The following USP31 variants were observed in gnomAD, a reference collection of about 807,000 sequenced individuals.
USP31 encodes ubiquitin specific peptidase 31.
A neutral mutation model predicts 119.4 loss-of-function variants in USP31; 44 were observed. That is an observed-to-expected ratio of 0.37 (90% CI 0.29 to 0.47). The LOEUF (loss-of-function observed/expected upper bound fraction) is 0.47, where lower values mean the gene tolerates loss of function less well. Among genes scored for constraint, USP31 ranks in the 20% least tolerant of loss-of-function variants. The probability of loss-of-function intolerance (pLI) is 0.99; values close to 1 mark genes in which losing one functional copy is unlikely to be tolerated. For missense variants in USP31, 1,643 were observed against 1,730.2 expected (o/e 0.95, Z 0.89); for synonymous variants, 749 against 705.6 (o/e 1.06, Z -0.97).
At chr16:23,146,676 T>C (rs1442505525) in intron 1 of USP31, among the ~76,000 whole-genome samples, 4 of 152,098 alleles carry the variant, frequency 2.6e-5, no homozygotes, top group South Asian at 4.1e-4. Flanking sequence ...CAGCATAAGA[T>C]GTAAGTAAAA....
chr16:23,087,907 G>C (rs1030840623), intron 7 of USP31, 72 bp from the exon 8 acceptor site: 4 of 1,313,306 alleles, frequency 3.0e-6, no homozygotes, highest in African/African-American at 1.5e-5. Flanking sequence ...TTTTTTTCTC[G>C]ATCTCTTAAA....
At chr16:23,139,937 C>A (rs758439593) in intron 1 of USP31, among the ~76,000 whole-genome samples, 2 of 152,146 alleles carry the variant, frequency 1.3e-5, no homozygotes, top group Non-Finnish European at 2.9e-5. Context: ...TTTACCACTA[C>A]GCCTCTTGTA....
chr16:23,148,250 G>C (rs1047708924), intron 1 of USP31, among the ~76,000 whole-genome samples: 2 of 152,142 alleles, frequency 1.3e-5, no homozygotes, highest in African/African-American at 4.8e-5. Flanking sequence ...GAACAGAGAG[G>C]CTGCTTAACT....
At chr16:23,090,300 C>T (rs1228903145) in intron 7 of USP31, among the ~76,000 whole-genome samples, 2 of 152,138 alleles carry the variant, frequency 1.3e-5, no homozygotes, top group Non-Finnish European at 2.9e-5. Flanking sequence ...CCAAGAGAAT[C>T]GCTTGAACCT....
rs1166113536 is a variant in USP31 at position 23,066,362 on chromosome 16, A to G, written c.*1684T>C. ...CTAATGCGCAAATTAGCAGCAAAATAAAGTTAAGTAACGTACTAAAAACTT... is the reference window on the plus strand; with the variant it reads ...CTAATGCGCAAATTAGCAGCAAAATGAAGTTAAGTAACGTACTAAAAACTT... On this transcript the variant is annotated 3_prime_UTR_variant, in exon 16 of 16. Transcript: ENST00000219689. The G allele has an allele frequency of 6.6e-6, 1 of 152,636 alleles. No homozygotes were observed. The highest frequency in any genetic ancestry group is 1.5e-5 in the Non-Finnish European group (1 of 68,050). 9.5% of individuals were successfully genotyped at this position (152,636 alleles called of 1,614,324 possible). A position where few individuals can be genotyped will look rare whatever the true frequency, so the allele number is the denominator to read the frequency against.
intron 1 of USP31, among the ~76,000 whole-genome samples, chr16:23,126,779 T>C (rs1283915992): frequency 2.0e-5 from 3 of 152,180 alleles, no homozygotes; most frequent in African/African-American, 7.2e-5. Flanking sequence ...GTGCAGGGCA[T>C]GTGATAAGCA....
intron 15 of USP31, among the ~76,000 whole-genome samples, chr16:23,070,412 A>G (rs148160371): frequency 1.3e-5 from 2 of 152,292 alleles, no homozygotes; most frequent in African/African-American, 4.8e-5. Context: ...AAAACTTCCA[A>G]AAAAATATTC....
At chr16:23,106,554 G>T in intron 2 of USP31, 67 bp from the exon 3 acceptor site, 1 of 1,441,366 alleles carries the variant, frequency 6.9e-7, no homozygotes. Flanking sequence ...GATGAAGCTA[G>T]AGAATCACAT....
intron 1 of USP31, among the ~76,000 whole-genome samples, chr16:23,139,034 TAAATC>T (rs1231049281): frequency 6.6e-6 from 1 of 152,232 alleles, no homozygotes; most frequent in Non-Finnish European, 1.5e-5. Flanking sequence ...ATGTGCTAAA[TAAATC>T]TGTAGACTTA....
At chr16:23,132,608 T>C (rs1903063764) in intron 1 of USP31, among the ~76,000 whole-genome samples, 1 of 152,224 alleles carries the variant, frequency 6.6e-6, no homozygotes, top group African/African-American at 2.4e-5. Context: ...GTTATCTTGA[T>C]TTAAGAGATA....
chr16:23,135,526 C>T (rs973056561), intron 1 of USP31, among the ~76,000 whole-genome samples: 3 of 152,100 alleles, frequency 2.0e-5, no homozygotes, highest in Non-Finnish European at 2.9e-5. Flanking sequence ...AAATCAATTG[C>T]ACTTTTATAT....
rs374481241 is a variant in USP31, at chr16:23,094,609, A to G, written c.1235-3805T>C. Among the ~76,000 whole-genome samples, 5 of 152,202 alleles carry G rather than the reference A, an allele frequency of 3.3e-5. No individual in the cohort carries two copies. The South Asian group carries it at 1.0e-3, about 32-fold the overall frequency. ...CACCTCCCAGTAGGAACCGACAGAC[A>G]CCTCATACAGGCGGGTGCCTGTCTG... On this transcript the variant is annotated intron_variant, in intron 6 of 15. Transcript: ENST00000219689.
At position 23,066,847 on chromosome 16, in the gene USP31, CAT is replaced by C. The variant is rs2141821306; in HGVS notation, c.*1197_*1198del. On this transcript the variant is annotated 3_prime_UTR_variant, in exon 16 of 16. Coordinates refer to ENST00000219689, the MANE Select transcript of USP31 (RefSeq NM_020718.4). ...CCAAAACCTGCTTGTGAGTTCTGGG[CAT>C]GAGATGAAATCTTAAGAACAAAGAA... 1 of 152,186 alleles carries C rather than the reference CAT, an allele frequency of 6.6e-6. No homozygotes were observed. The highest frequency in any genetic ancestry group is 1.9e-4 in the East Asian group (1 of 5,184). The allele number at this position is 152,186 out of a possible 1,614,324, so 9.4% of individuals were successfully genotyped here.
chr16:23,095,223 G>A (rs985733158), intron 6 of USP31, among the ~76,000 whole-genome samples: 3 of 152,126 alleles, frequency 2.0e-5, no homozygotes, highest in Admixed American at 2.0e-4. Context: ...TAGCCAATTC[G>A]ATCAAGTGGA....
At chr16:23,134,226 A>T (rs1463016260) in intron 1 of USP31, among the ~76,000 whole-genome samples, 2 of 152,186 alleles carry the variant, frequency 1.3e-5, no homozygotes, top group Non-Finnish European at 1.5e-5. Context: ...AATAACACTA[A>T]ACAGCACCAG....
At chr16:23,099,368 G>A (rs1901752055) in intron 6 of USP31, among the ~76,000 whole-genome samples, 1 of 152,178 alleles carries the variant, frequency 6.6e-6, no homozygotes, top group Non-Finnish European at 1.5e-5. Flanking sequence ...TACACTGTTG[G>A]TGGGAGTGTA....
At chr16:23,090,492 T>C in intron 7 of USP31, 132 bp downstream of exon 7, 1 of 953,900 alleles carries the variant, frequency 1.0e-6, no homozygotes, top group Non-Finnish European at 1.5e-6. Flanking sequence ...CTTGTACATG[T>C]ATTCTTTCTA....
Position 23,069,048 on chromosome 16 carries a change from T to C in USP31, c.3057A>G (p.Pro1019=), listed in dbSNP as rs1900225569. The C allele has an allele frequency of 1.9e-6, 3 of 1,612,964 alleles. No individual in the cohort carries two copies. The South Asian group carries it at 3.3e-5, about 18-fold the overall frequency. The stretch of plus-strand genomic sequence containing the variant: ...TGGGGGATCTCTTAGTTGTGCTCTC[T>C]GGTTTCTTTGCGAGTGAGCCTGGGT... ...PSHPGSLAKK[P]ESTTKRSPSS... The change falls in exon 16 of 16, where the codon CCA becomes CCG. Residue 1019 remains proline, a synonymous_variant. Transcript: ENST00000219689.
chr16:23,122,274 C>T (rs898275106), intron 1 of USP31, among the ~76,000 whole-genome samples: 2 of 152,164 alleles, frequency 1.3e-5, no homozygotes, highest in Non-Finnish European at 2.9e-5. Context: ...TACCACTTCA[C>T]GCCTACTCAA....
Sources: allele counts gnomAD v4.1 joint callset (sites outside exome capture counted in the v4.1 genomes callset), GRCh38; gene constraint gnomAD v4.1.1; transcripts MANE v1.5; gene names NCBI Gene and HGNC (gene_info 2026-07-23, HGNC 2026-07-21).